CSMD3: variants seen among roughly 807,000 people sequenced by gnomAD.
CSMD3 encodes the protein CUB and Sushi multiple domains 3, also known as CUB and sushi domain-containing protein 3.
CSMD3 carries 177 observed loss-of-function variants against 435.2 expected under a neutral mutation model. The observed-to-expected ratio is 0.41, with a 90% CI of 0.36 to 0.46. CSMD3 has a LOEUF of 0.46. CSMD3 is among the 20% of genes least tolerant of loss of function. The probability of loss-of-function intolerance (pLI) is 0.34; values close to 1 mark genes in which losing one functional copy is unlikely to be tolerated. For missense variants in CSMD3, 4,265 were observed against 4,504.6 expected (o/e 0.95, Z 1.52); for synonymous variants, 1,656 against 1,520.5 (o/e 1.09, Z -2.07).
intron 53 of CSMD3, 62 bp downstream of exon 53, chr8:112,301,731 T>C: frequency 8.3e-7 from 1 of 1,210,118 alleles, no homozygotes; most frequent in Non-Finnish European, 1.2e-6. Context: ...GAAAAAGAGA[T>C]GCCTCTTTTC....
At chr8:112,681,663 T>C (rs2075898692) in intron 16 of CSMD3, among the ~76,000 whole-genome samples, 1 of 151,882 alleles carries the variant, frequency 6.6e-6, no homozygotes, top group South Asian at 2.1e-4. Context: ...ATCAAGAGTT[T>C]GAGACCAGCC....
At chr8:113,194,186 A>C (rs1293072351) in intron 3 of CSMD3, among the ~76,000 whole-genome samples, 2 of 151,324 alleles carry the variant, frequency 1.3e-5, no homozygotes, top group Non-Finnish European at 3.0e-5. Flanking sequence ...TGCTGCCTTT[A>C]AGTTATTATA....
intron 1 of CSMD3, among the ~76,000 whole-genome samples, chr8:113,407,415 T>C (rs904707661): frequency 6.6e-6 from 1 of 152,188 alleles, no homozygotes; most frequent in South Asian, 2.1e-4. Context: ...TAAACTAAAT[T>C]GGTACCCATG....
intron 31 of CSMD3, among the ~76,000 whole-genome samples, chr8:112,486,159 C>A (rs2130820893): frequency 1.3e-5 from 2 of 150,306 alleles, no homozygotes; most frequent in East Asian, 2.0e-4. Flanking sequence ...AATTCTCATA[C>A]TTAGCCTGGA....
chr8:112,685,976 T>A (rs1296509974), intron 14 of CSMD3, among the ~76,000 whole-genome samples: 3 of 69,368 alleles, frequency 4.3e-5, no homozygotes, highest in African/African-American at 2.9e-4. Context: ...ATAATAGCAA[T>A]TTTTTGACAT....
intron 13 of CSMD3, among the ~76,000 whole-genome samples, chr8:112,796,042 T>G (rs1477494871): frequency 6.6e-6 from 1 of 152,118 alleles, no homozygotes; most frequent in Non-Finnish European, 1.5e-5. Flanking sequence ...TGCACGTGCA[T>G]GCCTATGTTT....
chr8:113,231,367 C>T (rs941182352), intron 3 of CSMD3, among the ~76,000 whole-genome samples: 3 of 150,862 alleles, frequency 2.0e-5, no homozygotes, highest in Non-Finnish European at 3.0e-5. Flanking sequence ...AAAAGCATAA[C>T]GTAAATTCAG....
chr8:113,163,410 A>G lies in CSMD3; in HGVS notation c.709+10312T>C, dbSNP rs1476812257. On this transcript the variant is annotated intron_variant, in intron 4 of 70. Coordinates refer to ENST00000297405, the MANE Select transcript of CSMD3 (RefSeq NM_198123.2). ...AAATGCAATCATATAACAACTTCAG[A>G]AAAGCTTGAAATTAATGTCTGATAT... is the stretch of plus-strand genomic sequence containing the variant. Among the ~76,000 whole-genome samples, 7 of 152,154 alleles carry G rather than the reference A, an allele frequency of 4.6e-5. No individual in the cohort carries two copies. In the East Asian group the frequency reaches 7.7e-4, roughly 17 times the overall value.
At chr8:113,314,060 T>G (rs2093890908) in intron 2 of CSMD3, 1 of 152,188 alleles carries the variant, frequency 6.6e-6, no homozygotes, top group South Asian at 2.1e-4. Flanking sequence ...GAGGCAAAAA[T>G]ATAAATGACC....
chr8:113,413,644 G>A (rs1447948202), intron 1 of CSMD3, among the ~76,000 whole-genome samples: 1 of 152,164 alleles, frequency 6.6e-6, no homozygotes, highest in Non-Finnish European at 1.5e-5. Context: ...AGAAGGCAAA[G>A]AGTAATGTGG....
At chr8:112,737,560 C>A (rs1449001583) in intron 13 of CSMD3, among the ~76,000 whole-genome samples, 1 of 151,902 alleles carries the variant, frequency 6.6e-6, no homozygotes, top group Non-Finnish European at 1.5e-5. Flanking sequence ...TTGCCCTGGA[C>A]AGTTCCAGTT....
In CSMD3 at chr8:113,350,166, C is replaced by A. The variant is rs1009803993; in HGVS notation, c.179-35373G>T. 4.6e-5 allele frequency among the ~76,000 whole-genome samples: 7 copies of A among 151,998 alleles called. 1 individual carries two copies. The highest frequency in any genetic ancestry group is 3.9e-4 in the Admixed American group (6 of 15,254). On this transcript the variant is annotated intron_variant, in intron 1 of 70. Coordinates refer to ENST00000297405, the MANE Select transcript of CSMD3 (RefSeq NM_198123.2). The stretch of plus-strand genomic sequence containing the variant: ...AGGTCATAGATAAAGGCATGAGTGA[C>A]CCCCGACAACATCATACGGAGGAGA...
intron 10 of CSMD3, among the ~76,000 whole-genome samples, chr8:112,876,925 T>A (rs1177081127): frequency 6.6e-6 from 1 of 152,044 alleles, no homozygotes; most frequent in Non-Finnish European, 1.5e-5. Flanking sequence ...GGATACAAAA[T>A]CAATATGGAA....
intron 38 of CSMD3, among the ~76,000 whole-genome samples, chr8:112,358,302 G>C (rs1410716515): frequency 6.6e-6 from 1 of 152,100 alleles, no homozygotes; most frequent in Non-Finnish European, 1.5e-5. Flanking sequence ...TAGATGGAAG[G>C]GACTTGCCTT....
intron 38 of CSMD3, among the ~76,000 whole-genome samples, chr8:112,368,386 G>T (rs1246340576): frequency 6.6e-6 from 1 of 152,060 alleles, no homozygotes; most frequent in African/African-American, 2.4e-5. Context: ...TGACATTCTG[G>T]GTTGGTAGCC....
At position 112,612,158 on chromosome 8, in the gene CSMD3, C is replaced by T. The variant is rs1833305106; in HGVS notation, c.3715+24659G>A. On this transcript the variant is annotated intron_variant, in intron 22 of 70. Transcript: ENST00000297405. ...TAAAATACAACCTGCTAAAACAATT[C>T]TATAATGCCTTTGATTTTCCTGAGA... Among the ~76,000 whole-genome samples the T allele has an allele frequency of 6.6e-5, 10 of 152,116 alleles. No homozygotes were observed. In the South Asian group the frequency reaches 2.1e-3, roughly 31 times the overall value.
chr8:112,518,847 T>C (rs1340474682), intron 27 of CSMD3, among the ~76,000 whole-genome samples: 2 of 152,072 alleles, frequency 1.3e-5, no homozygotes, highest in East Asian at 3.9e-4. Flanking sequence ...CTAGGAGGCC[T>C]CAGGAAACTT....
At chr8:112,757,786 G>A (rs2077735534) in intron 13 of CSMD3, among the ~76,000 whole-genome samples, 2 of 152,056 alleles carry the variant, frequency 1.3e-5, no homozygotes, top group South Asian at 4.2e-4. Flanking sequence ...AGGCATGGTG[G>A]CTCACACCTG....
rs1467690761 is a variant in CSMD3, at chr8:112,829,637, T to C, written c.1859+49A>G. 2.9e-6 allele frequency: 3 copies of C among 1,038,838 alleles called. 1 individual carries two copies. The South Asian group carries it at 3.8e-5, about 13-fold the overall frequency. 64.4% of individuals were successfully genotyped at this position (1,038,838 alleles called of 1,614,324 possible). On this transcript the variant is annotated intron_variant, in intron 12 of 70. Transcript: ENST00000297405. ...AAAACAATAATTTGAAAGTAAAATT[T>C]TATTAGTACCCGATAGGCTAAGGCA... is the stretch of plus-strand genomic sequence containing the variant.
Sources: allele counts gnomAD v4.1 joint callset (sites outside exome capture counted in the v4.1 genomes callset), GRCh38; gene constraint gnomAD v4.1.1; transcripts MANE v1.5; gene names NCBI Gene and HGNC (gene_info 2026-07-23, HGNC 2026-07-21).